WNT7B: variants seen among roughly 807,000 people sequenced by gnomAD.
WNT7B encodes the protein protein Wnt-7b.
In WNT7B, 19 loss-of-function variants were observed where a neutral mutation model predicts 38.2. The observed-to-expected ratio is 0.50, with a 90% CI of 0.35 to 0.73. The LOEUF (loss-of-function observed/expected upper bound fraction) is 0.73, where lower values mean the gene tolerates loss of function less well. Among genes scored for constraint, WNT7B ranks in the 30% least tolerant of loss-of-function variants. WNT7B has a pLI of 0.01. For missense variants in WNT7B, 423 were observed against 507.9 expected, an observed-to-expected ratio of 0.83 and a Z score of 1.61; for synonymous variants, 243 against 209.3, an observed-to-expected ratio of 1.16 and a Z score of -1.39.
In WNT7B at chr22:45,976,588, C is replaced by T; in HGVS notation, c.71+96G>A. On this transcript the variant is annotated intron_variant, in intron 1 of 3. Coordinates refer to ENST00000339464, the MANE Select transcript of WNT7B (RefSeq NM_058238.3). This position sits in a 1 kb window ranked among gnomAD's most constrained non-coding sequence, Gnocchi z 8.5. ...CGGAGCCCAGAGAGCTGCAGTGGCC[C>T]CCTCCAGTCCCCACGTCCCCACGGG... is the stretch of plus-strand genomic sequence containing the variant. 11 of 1,331,164 alleles carry T rather than the reference C, an allele frequency of 8.3e-6. No individual in the cohort carries two copies. Among genetic ancestry groups the T allele is most frequent in the Non-Finnish European group, 1.2e-5 (11 of 953,446 alleles). The allele number at this position is 1,331,164 out of a possible 1,614,324, so 82.5% of individuals were successfully genotyped here.
chr22:45,925,548 G>C, intron 3 of WNT7B: 1 of 985,250 alleles, frequency 1.0e-6, no homozygotes, highest in Middle Eastern at 5.2e-4. Flanking sequence ...CCCCCAGAGA[G>C]TATATTGGGA....
chr22:45,927,376 C>T (rs1466670095), intron 3 of WNT7B: 9 of 1,501,532 alleles, frequency 6.0e-6, no homozygotes. Context: ...GGGCGGGCCT[C>T]CAGACTCTGC....
chr22:45,939,586 G>T (rs1006578698), intron 2 of WNT7B, among the ~76,000 whole-genome samples: 1 of 151,902 alleles, frequency 6.6e-6, no homozygotes, highest in Non-Finnish European at 1.5e-5. Flanking sequence ...TTAAGCCCAG[G>T]AGTTTGAGAC....
At position 45,951,681 on chromosome 22, in the gene WNT7B, T is replaced by C. The variant is rs1333729204; in HGVS notation, c.72-1535A>G. ...CTGGCTTCTTTCACTTAGCGTCGTGTTTTCAAGGGTCATCCACGTGGTCAC... is the reference window on the plus strand; with the variant it reads ...CTGGCTTCTTTCACTTAGCGTCGTGCTTTCAAGGGTCATCCACGTGGTCAC... On this transcript the variant is annotated intron_variant, in intron 1 of 3. Coordinates refer to ENST00000339464, the MANE Select transcript of WNT7B (RefSeq NM_058238.3). This position sits in a 1 kb window ranked among gnomAD's most constrained non-coding sequence, Gnocchi z 4.8. Among the ~76,000 whole-genome samples the C allele has an allele frequency of 6.6e-6, 1 of 152,174 alleles. No homozygotes were observed. Among genetic ancestry groups the C allele is most frequent in the Non-Finnish European group, 1.5e-5 (1 of 68,028 alleles).
chr22:45,928,760 T>G (rs1344138560), intron 3 of WNT7B, among the ~76,000 whole-genome samples: 1 of 152,158 alleles, frequency 6.6e-6, no homozygotes, highest in African/African-American at 2.4e-5. Context: ...GGTCCCTGAG[T>G]TGGTCAGTGT....
intron 2 of WNT7B, among the ~76,000 whole-genome samples, chr22:45,938,343 A>G (rs768203692): frequency 6.6e-6 from 1 of 152,132 alleles, no homozygotes; most frequent in Admixed American, 6.5e-5. Context: ...GTGGGTTAAG[A>G]GGTACAAAGA....
rs891364397 is a variant in WNT7B, at chr22:45,976,552, C to T, written c.71+132G>A. ...TGGCGTGGGGCGAGGGTCTGACACA[C>T]GGGCCAGCCCCGGAGCCCAGAGAGC... On this transcript the variant is annotated intron_variant, in intron 1 of 3. Transcript: ENST00000339464. This position sits in a 1 kb window ranked among gnomAD's most constrained non-coding sequence, Gnocchi z 8.5. 1.2e-5 allele frequency: 12 copies of T among 967,224 alleles called. No individual in the cohort carries two copies. In the African/African-American group the frequency reaches 1.5e-4, roughly 12 times the overall value. 59.9% of individuals were successfully genotyped at this position (967,224 alleles called of 1,614,324 possible).
At position 45,952,807 on chromosome 22, in the gene WNT7B, G is replaced by A. The variant is rs116802983; in HGVS notation, c.72-2661C>T. 2.8e-3 allele frequency among the ~76,000 whole-genome samples: 422 copies of A among 152,292 alleles called. 1 individual carries two copies. Among genetic ancestry groups the A allele is most frequent in the African/African-American group, 9.6e-3 (400 of 41,558 alleles). On this transcript the variant is annotated intron_variant, in intron 1 of 3. Coordinates refer to ENST00000339464, the MANE Select transcript of WNT7B (RefSeq NM_058238.3). ...TCCACCACCGGCCCTGCCAGCACCC[G>A]GATCTGACCAAGTCCGTCTGCTCAA...
At chr22:45,925,373 T>C in intron 3 of WNT7B, 4 of 985,268 alleles carry the variant, frequency 4.1e-6, no homozygotes, top group Non-Finnish European at 3.6e-6. Context: ...CTGGAGAGAC[T>C]TGAGGGAGGT....
intron 3 of WNT7B, chr22:45,926,701 AGT>A: frequency 1.4e-6 from 1 of 703,850 alleles, no homozygotes; most frequent in Non-Finnish European, 1.7e-6. Context: ...CCTGCCCCTA[AGT>A]AAGTGTGGCC....
intron 3 of WNT7B, among the ~76,000 whole-genome samples, chr22:45,929,487 T>TCCACCCACCCAC (rs368933414): frequency 7.0e-6 from 1 of 142,752 alleles, no homozygotes; most frequent in African/African-American, 2.7e-5. Flanking sequence ...CATCTGTACA[T>TCCACCCACCCAC]CCACCCACCC....
chr22:45,956,835 C>G (rs545684542), intron 1 of WNT7B, among the ~76,000 whole-genome samples: 8 of 152,178 alleles, frequency 5.3e-5, no homozygotes, highest in Non-Finnish European at 8.8e-5. Context: ...CGGCCAGGCG[C>G]GGTGGCTCAC....
chr22:45,928,552 G>A (rs1466750560), intron 3 of WNT7B, among the ~76,000 whole-genome samples: 1 of 151,994 alleles, frequency 6.6e-6, no homozygotes, highest in South Asian at 2.1e-4. Flanking sequence ...GGCATCATCA[G>A]AGCCCTTTCC....
chr22:45,963,255 C>T (rs1375371258), intron 1 of WNT7B, among the ~76,000 whole-genome samples: 1 of 152,146 alleles, frequency 6.6e-6, no homozygotes, highest in African/African-American at 2.4e-5. Flanking sequence ...TGCATAATTC[C>T]ACATCCCCCT....
intron 1 of WNT7B, among the ~76,000 whole-genome samples, chr22:45,959,335 A>G (rs532171487): frequency 6.6e-6 from 1 of 152,084 alleles, no homozygotes; most frequent in Non-Finnish European, 1.5e-5. Context: ...CACTTCACAT[A>G]GGGTTGAGAA....
intron 1 of WNT7B, among the ~76,000 whole-genome samples, chr22:45,960,413 C>T (rs1329044041): frequency 6.6e-6 from 1 of 152,196 alleles, no homozygotes; most frequent in African/African-American, 2.4e-5. Context: ...CAGGGGTCCC[C>T]AGAATTGCCC....
intron 2 of WNT7B, among the ~76,000 whole-genome samples, chr22:45,946,003 G>A (rs566636313): frequency 9.2e-5 from 14 of 152,238 alleles, no homozygotes; most frequent in Admixed American, 7.8e-4. Context: ...GGGCTAGGGG[G>A]CCCAAGAGCA....
chr22:45,958,007 G>T (rs1052961940), intron 1 of WNT7B, among the ~76,000 whole-genome samples: 1 of 152,244 alleles, frequency 6.6e-6, no homozygotes, highest in Non-Finnish European at 1.5e-5. Context: ...CAGCGAGAAG[G>T]TTAAGTGCAG....
At chr22:45,954,254 A>AGGGGAAC (rs1932008278) in intron 1 of WNT7B, among the ~76,000 whole-genome samples, 1 of 152,134 alleles carries the variant, frequency 6.6e-6, no homozygotes, top group Non-Finnish European at 1.5e-5. Context: ...AGGGCTGGGA[A>AGGGGAAC]GGGGAACGGG....
Sources: gnomAD v4.1 joint callset for allele counts (sites outside exome capture counted in the v4.1 genomes callset) on GRCh38, gnomAD v4.1.1 for gene constraint, Gnocchi (gnomAD v3.1) non-coding constraint, MANE v1.5 for transcripts, NCBI Gene and HGNC (gene_info 2026-07-23, HGNC 2026-07-21) for gene names.